LRP12: variants seen among roughly 807,000 people sequenced by gnomAD.
LRP12 encodes LDL receptor related protein 12.
LRP12 carries 14 observed loss-of-function variants against 66.0 expected under a neutral mutation model. The ratio of observed to expected loss-of-function variants is 0.21; its 90% confidence interval spans 0.14 to 0.33. The LOEUF (loss-of-function observed/expected upper bound fraction) is 0.33. Among genes scored for constraint, LRP12 ranks in the 10% least tolerant of loss-of-function variants. The pLI is 1.00. For missense variants in LRP12, 889 were observed against 1,053.4 expected (o/e 0.84, Z 2.16); for synonymous variants, 357 against 359.1 (o/e 0.99, Z 0.07).
chr8:104,501,380 T>C (rs1029494438), intron 3 of LRP12, among the ~76,000 whole-genome samples: 3 of 146,480 alleles, frequency 2.0e-5, no homozygotes, highest in Non-Finnish European at 4.5e-5. Context: ...TTTTGCCCAT[T>C]AAAAAAAAAA....
chr8:104,529,097 AT>A (rs1811289137), intron 2 of LRP12, among the ~76,000 whole-genome samples: 1 of 152,174 alleles, frequency 6.6e-6, no homozygotes, highest in South Asian at 2.1e-4. Context: ...ACGTAACTGG[AT>A]TTGGAGAGAG....
intron 2 of LRP12, among the ~76,000 whole-genome samples, chr8:104,527,186 G>C (rs1355996009): frequency 6.8e-6 from 1 of 146,614 alleles, no homozygotes; most frequent in Non-Finnish European, 1.5e-5. Flanking sequence ...GAAACAACAG[G>C]TGCTGGAGAG....
chr8:104,552,340 A>C (rs1811739885), intron 1 of LRP12, among the ~76,000 whole-genome samples: 1 of 151,044 alleles, frequency 6.6e-6, no homozygotes, highest in Non-Finnish European at 1.5e-5. Flanking sequence ...TAGCCCATCA[A>C]TCTAATAAAT....
At chr8:104,561,157 G>A (rs1300396083) in intron 1 of LRP12, among the ~76,000 whole-genome samples, 5 of 152,068 alleles carry the variant, frequency 3.3e-5, no homozygotes, top group African/African-American at 9.7e-5. Flanking sequence ...ACAAAACAAC[G>A]TTATTTGAAA....
intron 2 of LRP12, among the ~76,000 whole-genome samples, chr8:104,515,564 T>A (rs367870160): frequency 1.3e-5 from 2 of 152,192 alleles, no homozygotes; most frequent in East Asian, 3.8e-4. Context: ...GATGGAAATA[T>A]GAAGACATCA....
intron 3 of LRP12, chr8:104,506,777 A>C (rs1810916501): frequency 6.6e-6 from 1 of 152,176 alleles, no homozygotes; most frequent in Non-Finnish European, 1.5e-5. Context: ...GTGGGTTCCA[A>C]GGGAGAGGAA....
chr8:104,551,975 A>G (rs1811732309), intron 1 of LRP12, among the ~76,000 whole-genome samples: 1 of 152,192 alleles, frequency 6.6e-6, no homozygotes, highest in African/African-American at 2.4e-5. Context: ...ATAATTAACA[A>G]TTTGGTTTCA....
At chr8:104,491,617 T>C in intron 6 of LRP12, 78 bp from the exon 7 acceptor site, 1 of 1,117,458 alleles carries the variant, frequency 8.9e-7, no homozygotes, top group Non-Finnish European at 1.2e-6. Context: ...ACCCTTCTAT[T>C]AAGAATGTGT....
intron 6 of LRP12, among the ~76,000 whole-genome samples, chr8:104,494,039 G>A (rs146736235): frequency 0.018 from 2,714 of 152,290 alleles, 147 homozygotes; most frequent in Admixed American, 0.11. Context: ...TGCAATTGGT[G>A]TTAGGAGTGA....
chr8:104,499,542 C>G, intron 3 of LRP12, 23 bp from the exon 4 acceptor site: 2 of 1,556,172 alleles, frequency 1.3e-6, no homozygotes, highest in Non-Finnish European at 1.7e-6. Context: ...TCAGAAATGT[C>G]TATTAAAAAG....
chr8:104,492,954 C>T (rs1810660899), intron 6 of LRP12, among the ~76,000 whole-genome samples: 1 of 152,152 alleles, frequency 6.6e-6, no homozygotes, highest in Non-Finnish European at 1.5e-5. Context: ...ATGTTGAGCA[C>T]TATGCTATTA....
In LRP12 at chr8:104,496,436, A is replaced by G. The variant is rs187731010; in HGVS notation, c.1580+536T>C. On this transcript the variant is annotated intron_variant, in intron 5 of 6. Transcript: ENST00000276654. ...ATACATTTCAAGTGGCACCCCTCCA[A>G]TTAAAGCCTTTCTGCCTCTCTCCCT... is the stretch of plus-strand genomic sequence containing the variant. Among the ~76,000 whole-genome samples, 10 of 152,224 alleles carry G rather than the reference A, an allele frequency of 6.6e-5. No homozygotes were observed. The East Asian group carries it at 1.4e-3, about 21-fold the overall frequency.
chr8:104,566,142 A>G lies in LRP12; in HGVS notation c.79+22677T>C, dbSNP rs563754503. ...TGGGATTGGCTATATGCAAGAGTCCATAAGAGAGGCTGAGAATATTGTACA... is the reference window on the plus strand; with the variant it reads ...TGGGATTGGCTATATGCAAGAGTCCGTAAGAGAGGCTGAGAATATTGTACA... On this transcript the variant is annotated intron_variant, in intron 1 of 6. Transcript: ENST00000276654. 1.1e-4 allele frequency: 55 copies of G among 482,280 alleles called. 1 individual carries two copies. The South Asian group carries it at 1.8e-3, about 16-fold the overall frequency. The allele number at this position is 482,280 out of a possible 1,614,324, so 29.9% of individuals were successfully genotyped here. A position where few individuals can be genotyped will look rare whatever the true frequency, so the allele number is the denominator to read the frequency against.
chr8:104,566,213 A>G, intron 1 of LRP12: 1 of 675,612 alleles, frequency 1.5e-6, no homozygotes, highest in Non-Finnish European at 2.3e-6. Flanking sequence ...AATGCAGCAC[A>G]TAGAAAGTAT....
At chr8:104,548,410 G>T (rs192687745) in intron 1 of LRP12, among the ~76,000 whole-genome samples, 8,857 of 80,322 alleles carry the variant, frequency 0.11, 750 homozygotes, top group African/African-American at 0.19. Flanking sequence ...ATAAATATAT[G>T]ATATATTAAT....
At chr8:104,537,422 C>G (rs1192338769) in intron 1 of LRP12, among the ~76,000 whole-genome samples, 1 of 152,118 alleles carries the variant, frequency 6.6e-6, no homozygotes, top group Non-Finnish European at 1.5e-5. Flanking sequence ...AGGCAAAGAA[C>G]TACCACTGAA....
chr8:104,510,059 C>T (rs1173416648), intron 2 of LRP12, among the ~76,000 whole-genome samples: 5 of 152,160 alleles, frequency 3.3e-5, no homozygotes, highest in Non-Finnish European at 7.4e-5. Context: ...ATCTATCCAT[C>T]CACCCATCTT....
intron 1 of LRP12, among the ~76,000 whole-genome samples, chr8:104,570,682 A>T (rs1014726957): frequency 6.6e-5 from 10 of 152,218 alleles, no homozygotes; most frequent in Non-Finnish European, 1.3e-4. Flanking sequence ...TTCAGAAAAA[A>T]AGCAGAAGGA....
intron 2 of LRP12, among the ~76,000 whole-genome samples, chr8:104,509,557 T>C (rs549723635): frequency 1.3e-3 from 201 of 152,306 alleles, no homozygotes; most frequent in Non-Finnish European, 2.2e-3. Context: ...TGTCACAGTA[T>C]TGAAGTGCTT....
Sources: allele counts gnomAD v4.1 joint callset (sites outside exome capture counted in the v4.1 genomes callset), GRCh38; gene constraint gnomAD v4.1.1; transcripts MANE v1.5; gene names NCBI Gene and HGNC (gene_info 2026-07-23, HGNC 2026-07-21).